Variants in TRPS1 observed in about 807,000 individuals in gnomAD.
TRPS1 encodes the protein transcriptional repressor GATA binding 1, also known as zinc finger transcription factor Trps1.
A neutral mutation model predicts 101.2 loss-of-function variants in TRPS1; 6 were observed. The observed-to-expected ratio is 0.06, with a 90% CI of 0.03 to 0.12. The LOEUF (loss-of-function observed/expected upper bound fraction) is 0.12, where lower values mean the gene tolerates loss of function less well. Among genes scored for constraint, TRPS1 ranks in the 10% least tolerant of loss-of-function variants. The pLI is 1.00. For missense variants in TRPS1, 1,363 were observed against 1,567.0 expected, an observed-to-expected ratio of 0.87 and a Z score of 2.20; for synonymous variants, 578 against 589.8, an observed-to-expected ratio of 0.98 and a Z score of 0.29.
intron 5 of TRPS1, among the ~76,000 whole-genome samples, chr8:115,419,848 A>G (rs1478820421): frequency 6.6e-6 from 1 of 152,216 alleles, no homozygotes; most frequent in Non-Finnish European, 1.5e-5. Context: ...TAAACTAATT[A>G]TGATCTTGCA....
At chr8:115,524,319 C>CTTTTTTTTTTTTTTTTTTTT (rs139406462) in intron 5 of TRPS1, among the ~76,000 whole-genome samples, 5 of 70,726 alleles carry the variant, frequency 7.1e-5, no homozygotes, top group African/African-American at 1.3e-4. Context: ...CTTCTTCTTC[C>CTTTTTTTTTTTTTTTTTTTT]TTTTTTTTTT....
At chr8:115,521,476 A>G (rs142128500) in intron 5 of TRPS1, among the ~76,000 whole-genome samples, 395 of 4,610 alleles carry the variant, frequency 0.086, no homozygotes, top group African/African-American at 0.24. Flanking sequence ...TGGAAGCTGA[A>G]AGCTCTCTGT....
At chr8:115,640,966 A>C (rs576801992) in intron 1 of TRPS1, among the ~76,000 whole-genome samples, 2 of 152,318 alleles carry the variant, frequency 1.3e-5, no homozygotes, top group East Asian at 3.9e-4. Flanking sequence ...AATTGCTTAA[A>C]CCTGATTTTA....
chr8:115,466,329 A>G (rs1024747045), intron 5 of TRPS1, among the ~76,000 whole-genome samples: 2 of 152,212 alleles, frequency 1.3e-5, no homozygotes, highest in Non-Finnish European at 2.9e-5. Context: ...AAGGGGAAAC[A>G]TAATTCTATA....
intron 5 of TRPS1, among the ~76,000 whole-genome samples, chr8:115,536,351 G>T (rs984205091): frequency 5.9e-5 from 9 of 151,420 alleles, no homozygotes; most frequent in African/African-American, 2.2e-4. Context: ...AAACCCCATC[G>T]CTACTAAAAA....
In TRPS1 at chr8:115,414,493, G is replaced by A. The variant is rs1812865141; in HGVS notation, c.3415C>T (p.His1139Tyr). The change falls in exon 7 of 7, where the codon CAC becomes TAC. Residue 1139 changes from histidine to tyrosine, a missense_variant. His to Tyr is a moderately conservative substitution (Grantham distance 83). Transcript: ENST00000395715. This position sits in a 1 kb window ranked among gnomAD's most constrained non-coding sequence, Gnocchi z 4.8. Reference protein sequence around the residue: ...KYKLSVPGNPHYLSHVPGLPN... With the variant: ...KYKLSVPGNPYYLSHVPGLPN... ...AGGCCAGGCACGTGACTCAAGTAGT[G>A]CGGATTCCCAGGAACGGAGAGCTTA... 1 of 1,613,880 alleles carries A rather than the reference G, an allele frequency of 6.2e-7. No homozygotes were observed. Among genetic ancestry groups the A allele is most frequent in the East Asian group, 2.2e-5 (1 of 44,862 alleles).
chr8:115,455,285 G>C (rs1212341834), intron 5 of TRPS1, among the ~76,000 whole-genome samples: 3 of 152,158 alleles, frequency 2.0e-5, no homozygotes. Context: ...ATTTTGTCCA[G>C]TTTACTTGAG....
At chr8:115,640,427 C>T (rs1818868819) in intron 1 of TRPS1, among the ~76,000 whole-genome samples, 1 of 152,208 alleles carries the variant, frequency 6.6e-6, no homozygotes, top group South Asian at 2.1e-4. Context: ...ACAATGCCTC[C>T]CCATGCCTGC....
At chr8:115,629,226 G>A (rs1818582884) in intron 1 of TRPS1, among the ~76,000 whole-genome samples, 1 of 151,826 alleles carries the variant, frequency 6.6e-6, no homozygotes, top group Non-Finnish European at 1.5e-5. Context: ...TTGTTATGAA[G>A]AGGGCTGTTT....
chr8:115,653,065 C>T (rs2130613374), intron 1 of TRPS1, among the ~76,000 whole-genome samples: 1 of 152,144 alleles, frequency 6.6e-6, no homozygotes, highest in African/African-American at 2.4e-5. Flanking sequence ...ATAAACAAAG[C>T]CCAGAATAAG....
At chr8:115,470,473 G>A (rs568177137) in intron 5 of TRPS1, among the ~76,000 whole-genome samples, 2 of 152,004 alleles carry the variant, frequency 1.3e-5, no homozygotes, top group Admixed American at 1.3e-4. Flanking sequence ...CCTTATTGTT[G>A]CCTTATTTGT....
intron 5 of TRPS1, among the ~76,000 whole-genome samples, chr8:115,484,521 C>G (rs557329995): frequency 6.6e-6 from 1 of 152,246 alleles, no homozygotes; most frequent in South Asian, 2.1e-4. Context: ...TGTCCTTTGT[C>G]CTGCTTCCTT....
At chr8:115,552,696 A>C in intron 5 of TRPS1, among the ~76,000 whole-genome samples, 1 of 152,160 alleles carries the variant, frequency 6.6e-6, no homozygotes, top group Admixed American at 6.5e-5. Context: ...TGCAAACTGT[A>C]CCATATTTGA....
At chr8:115,637,573 A>C (rs1429982327) in intron 1 of TRPS1, among the ~76,000 whole-genome samples, 3 of 152,208 alleles carry the variant, frequency 2.0e-5, no homozygotes, top group African/African-American at 7.2e-5. Flanking sequence ...TTTATGTGCT[A>C]TGATCATCTT....
intron 5 of TRPS1, among the ~76,000 whole-genome samples, chr8:115,503,910 G>A (rs576180505): frequency 9.2e-4 from 140 of 152,212 alleles, no homozygotes; most frequent in Admixed American, 4.5e-3. Flanking sequence ...GACTGTGAAC[G>A]AAAATTATGC....
At chr8:115,492,062 C>G in intron 5 of TRPS1, 1 of 407,632 alleles carries the variant, frequency 2.5e-6, no homozygotes, top group Non-Finnish European at 4.9e-6. Flanking sequence ...CACTTGGCTT[C>G]TAATACATGT....
At chr8:115,640,767 G>A (rs1422196832) in intron 1 of TRPS1, among the ~76,000 whole-genome samples, 2 of 152,194 alleles carry the variant, frequency 1.3e-5, no homozygotes, top group African/African-American at 4.8e-5. Flanking sequence ...CAAATTAGGA[G>A]AGGCTCTTGG....
intron 1 of TRPS1, among the ~76,000 whole-genome samples, chr8:115,641,823 T>C (rs1312111998): frequency 6.6e-6 from 1 of 152,144 alleles, no homozygotes; most frequent in African/African-American, 2.4e-5. Flanking sequence ...GAGGTTGCAA[T>C]GAGCCAAGAT....
In TRPS1 at chr8:115,620,021, G is replaced by C. The variant is rs780323531; in HGVS notation, c.77C>G (p.Ala26Gly). 2 of 1,614,076 alleles carry C rather than the reference G, an allele frequency of 1.2e-6. No homozygotes were observed. Among genetic ancestry groups the C allele is most frequent in the South Asian group, 2.2e-5 (2 of 91,082 alleles). Residue 26 changes from alanine to glycine, a missense_variant, in exon 3 of 7, where the codon GCA (alanine) becomes GGA (glycine). Coordinates refer to ENST00000395715, the MANE Select transcript of TRPS1 (RefSeq NM_014112.5). ...RKKNPPLRNVASEGEGQILEP... is the reference protein window; with the variant it reads ...RKKNPPLRNVGSEGEGQILEP... ...CAGGATCTGGCCCTCGCCTTCACTTGCAACGTTTCTCAGAGGGGGGTTCTT... is the reference window on the plus strand; with the variant it reads ...CAGGATCTGGCCCTCGCCTTCACTTCCAACGTTTCTCAGAGGGGGGTTCTT...
Sources: allele counts gnomAD v4.1 joint callset (sites outside exome capture counted in the v4.1 genomes callset), GRCh38; gene constraint gnomAD v4.1.1; non-coding constraint Gnocchi (gnomAD v3.1); transcripts MANE v1.5; gene names NCBI Gene and HGNC (gene_info 2026-07-23, HGNC 2026-07-21).